The following ABCA4 variants were observed in gnomAD, a reference collection of about 807,000 sequenced individuals.
ABCA4 encodes the protein retinal-specific phospholipid-transporting ATPase ABCA4.
A neutral mutation model predicts 263.7 loss-of-function variants in ABCA4; 196 were observed. The ratio of observed to expected loss-of-function variants is 0.74; its 90% confidence interval spans 0.66 to 0.84. ABCA4 has a LOEUF of 0.84. Ranked by LOEUF, ABCA4 falls within the 40% of genes least tolerant of loss-of-function variation. The probability of loss-of-function intolerance (pLI) is 0.00; values close to 1 mark genes in which losing one functional copy is unlikely to be tolerated. For missense variants in ABCA4, 2,792 were observed against 2,855.1 expected (o/e 0.98, Z 0.50); for synonymous variants, 1,133 against 1,094.2 (o/e 1.04, Z -0.70).
At chr1:94,040,966 G>A (rs1570370481) in intron 23 of ABCA4, among the ~76,000 whole-genome samples, 2 of 152,222 alleles carry the variant, frequency 1.3e-5, no homozygotes, top group African/African-American at 2.4e-5. Flanking sequence ...CACCAAACTG[G>A]TGTGTAATCT....
intron 16 of ABCA4, 58 bp downstream of exon 16, chr1:94,055,053 A>C: frequency 6.8e-7 from 1 of 1,467,712 alleles, no homozygotes; most frequent in Non-Finnish European, 9.5e-7. Context: ...AGATGAATGG[A>C]GAGGGCTGGG....
At chr1:94,086,086 C>G (rs149102525) in intron 6 of ABCA4, among the ~76,000 whole-genome samples, 1 of 152,304 alleles carries the variant, frequency 6.6e-6, no homozygotes, top group East Asian at 1.9e-4. Context: ...AGACAGAAAT[C>G]ATACTGGATG....
rs151205531 is a variant in ABCA4, at chr1:94,000,741, C to T, written c.6479+95G>A. ...CACCTGCCTCTGCCCCAGGGGATGACGGAGCAGCAGGACTCTTCCAAGTGT... is the reference window on the plus strand; with the variant it reads ...CACCTGCCTCTGCCCCAGGGGATGATGGAGCAGCAGGACTCTTCCAAGTGT... On this transcript the variant is annotated intron_variant, in intron 47 of 49. Coordinates refer to ENST00000370225, the MANE Select transcript of ABCA4 (RefSeq NM_000350.3). 687 of 1,324,698 alleles carry T rather than the reference C, an allele frequency of 5.2e-4. 7 individuals are homozygous for T. The East Asian group carries it at 0.015, about 29-fold the overall frequency. The allele number at this position is 1,324,698 out of a possible 1,614,324, so 82.1% of individuals were successfully genotyped here.
intron 6 of ABCA4, among the ~76,000 whole-genome samples, chr1:94,085,636 A>G (rs1276080763): frequency 6.6e-6 from 1 of 152,134 alleles, no homozygotes; most frequent in African/African-American, 2.4e-5. Flanking sequence ...CTGCTCAAAC[A>G]TCTTCCATGG....
chr1:94,012,030 C>A (rs1314113181), intron 38 of ABCA4, among the ~76,000 whole-genome samples: 1 of 152,196 alleles, frequency 6.6e-6, no homozygotes, highest in Non-Finnish European at 1.5e-5. Context: ...GACTTGTTTT[C>A]AAGTGGTCGG....
intron 8 of ABCA4, 91 bp downstream of exon 8, chr1:94,080,387 C>G: frequency 6.4e-7 from 1 of 1,561,548 alleles, no homozygotes; most frequent in South Asian, 1.1e-5. Context: ...AAGACAGATG[C>G]AACCCCAGGT....
At position 94,001,897 on chromosome 1, in the gene ABCA4, T is replaced by C. The variant is rs1301484129; in HGVS notation, c.6243A>G (p.Thr2081=). The change falls in exon 45 of 50, where the codon ACA becomes ACG. Residue 2081 remains threonine (T), a synonymous_variant. Coordinates refer to ENST00000370225, the MANE Select transcript of ABCA4 (RefSeq NM_000350.3). ...YSGGNKRKLS[T]AIALIGCPPL... ...GTGGGCAGCCAATGAGTGCGATGGC[T>C]GTGGAGAGTTTCCGCTTGTTGCCCC... 1 of 1,614,110 alleles carries C rather than the reference T, an allele frequency of 6.2e-7. No individual in the cohort carries two copies. The highest frequency in any genetic ancestry group is 8.5e-7 in the Non-Finnish European group (1 of 1,180,046).
intron 16 of ABCA4, among the ~76,000 whole-genome samples, chr1:94,053,483 T>C (rs1357990891): frequency 1.3e-5 from 2 of 152,226 alleles, no homozygotes; most frequent in African/African-American, 4.8e-5. Context: ...TACCTCATAA[T>C]GTGGCCTTGT....
intron 31 of ABCA4, among the ~76,000 whole-genome samples, chr1:94,024,675 T>C (rs534131794): frequency 2.4e-4 from 36 of 152,366 alleles, no homozygotes; most frequent in Admixed American, 5.9e-4. Context: ...GGTCTTCTGA[T>C]ATAACTTTTA....
intron 28 of ABCA4, 111 bp from the exon 29 acceptor site, chr1:94,030,637 G>A (rs1660173543): frequency 5.6e-6 from 6 of 1,075,426 alleles, no homozygotes; most frequent in East Asian, 4.8e-5. Context: ...TGGAGGCACC[G>A]AATGCTGCCT....
chr1:94,103,990 T>A (rs978306471), intron 4 of ABCA4, among the ~76,000 whole-genome samples: 1 of 152,206 alleles, frequency 6.6e-6, no homozygotes, highest in Non-Finnish European at 1.5e-5. Context: ...CGTGTCTGCA[T>A]TTTCCACATC....
intron 36 of ABCA4, among the ~76,000 whole-genome samples, chr1:94,018,135 A>G (rs1659787323): frequency 6.6e-6 from 1 of 151,918 alleles, no homozygotes; most frequent in South Asian, 2.1e-4. Context: ...TCAGATGTCC[A>G]CTCTATCCTA....
At chr1:94,025,158 G>T (rs182623923) in intron 30 of ABCA4, 110 bp from the exon 31 acceptor site, 2 of 888,404 alleles carry the variant, frequency 2.3e-6, no homozygotes, top group East Asian at 2.4e-5. Flanking sequence ...GAGCTGCTGA[G>T]AAAATACTAA....
chr1:94,039,989 A>G (rs1660442626), intron 24 of ABCA4, 54 bp downstream of exon 24: 1 of 1,421,440 alleles, frequency 7.0e-7, no homozygotes, highest in African/African-American at 1.4e-5. Flanking sequence ...ACACCCAGCA[A>G]TACTGGGAGA....
chr1:94,026,033 G>C (rs1006948907), intron 30 of ABCA4, among the ~76,000 whole-genome samples: 2 of 152,198 alleles, frequency 1.3e-5, no homozygotes, highest in African/African-American at 2.4e-5. Flanking sequence ...AAAATTCAAA[G>C]GTGCATGGGT....
At chr1:94,027,290 A>G (rs2101030467) in intron 30 of ABCA4, among the ~76,000 whole-genome samples, 1 of 152,364 alleles carries the variant, frequency 6.6e-6, no homozygotes, top group South Asian at 2.1e-4. Flanking sequence ...TAAGCTGGAC[A>G]GACCGCGTGG....
intron 31 of ABCA4, 79 bp from the exon 32 acceptor site, chr1:94,023,497 T>C: frequency 7.9e-7 from 1 of 1,269,008 alleles, no homozygotes; most frequent in Non-Finnish European, 1.1e-6. Flanking sequence ...AACATTCATT[T>C]TGAAGACTGA....
chr1:94,097,971 A>T (rs1662174819), intron 6 of ABCA4, among the ~76,000 whole-genome samples: 1 of 152,084 alleles, frequency 6.6e-6, no homozygotes, highest in Middle Eastern at 3.2e-3. Flanking sequence ...GTTAGCCAGG[A>T]TGGTCTCTAT....
intron 7 of ABCA4, among the ~76,000 whole-genome samples, chr1:94,082,515 C>T (rs1661729114): frequency 6.7e-6 from 1 of 149,982 alleles, no homozygotes; most frequent in Non-Finnish European, 1.5e-5. Flanking sequence ...AGCATTAGTA[C>T]AATGGGCTCT....
Sources: gnomAD v4.1 joint callset for allele counts (sites outside exome capture counted in the v4.1 genomes callset) on GRCh38, gnomAD v4.1.1 for gene constraint, MANE v1.5 for transcripts, NCBI Gene and HGNC (gene_info 2026-07-23, HGNC 2026-07-21) for gene names.